PUS7: variants seen among roughly 807,000 people sequenced by gnomAD.
PUS7 encodes the protein pseudouridylate synthase 7 homolog.
In PUS7, 48 loss-of-function variants were observed where a neutral mutation model predicts 79.8. The ratio of observed to expected loss-of-function variants is 0.60; its 90% CI spans 0.48 to 0.76. The LOEUF is 0.76. PUS7 is among the 30% of genes least tolerant of loss of function. The pLI, the probability that PUS7 is intolerant of heterozygous loss-of-function variation, is 0.00. For missense variants in PUS7, 729 were observed against 797.6 expected (o/e 0.91, Z 1.04); for synonymous variants, 286 against 272.2 (o/e 1.05, Z -0.50).
At chr7:105,520,414 G>C (rs141243759) in intron 1 of PUS7, among the ~76,000 whole-genome samples, 1 of 152,070 alleles carries the variant, frequency 6.6e-6, no homozygotes, top group African/African-American at 2.4e-5. Context: ...AGCCGAGATC[G>C]CGCCACTGCA....
intron 2 of PUS7, among the ~76,000 whole-genome samples, chr7:105,506,841 C>CTT (rs1032119642): frequency 5.9e-5 from 9 of 152,112 alleles, no homozygotes; most frequent in African/African-American, 1.9e-4. Context: ...AAAACAAAAG[C>CTT]TTATTAACAT....
intron 1 of PUS7, among the ~76,000 whole-genome samples, chr7:105,517,343 T>G (rs951389488): frequency 6.6e-5 from 10 of 152,086 alleles, no homozygotes; most frequent in African/African-American, 9.7e-5. Flanking sequence ...GTATTTTTAG[T>G]AGAGACGGGT....
At chr7:105,507,405 C>T (rs1358768545) in intron 2 of PUS7, among the ~76,000 whole-genome samples, 1 of 152,066 alleles carries the variant, frequency 6.6e-6, no homozygotes, top group South Asian at 2.1e-4. Flanking sequence ...TACTAAGTAG[C>T]GAACTTCACA....
rs564982057 is a variant in PUS7, at chr7:105,514,561, G to A, written c.-32-6017C>T. Among the ~76,000 whole-genome samples, 12 of 151,718 alleles carry A rather than the reference G, an allele frequency of 7.9e-5. No individual in the cohort carries two copies. In the South Asian group the frequency reaches 1.7e-3, roughly 21 times the overall value. On this transcript the variant is annotated intron_variant, in intron 1 of 15. Coordinates refer to ENST00000469408, the MANE Select transcript of PUS7 (RefSeq NM_019042.5). ...CGAGCTTGCAGTGAGCCGAGATCGCGCCACTGTACTCCAGCCTGGGTGACA... is the reference window on the plus strand; with the variant it reads ...CGAGCTTGCAGTGAGCCGAGATCGCACCACTGTACTCCAGCCTGGGTGACA...
chr7:105,458,413 A>C (rs1823276316), intron 15 of PUS7, among the ~76,000 whole-genome samples: 1 of 150,604 alleles, frequency 6.6e-6, no homozygotes, highest in Non-Finnish European at 1.5e-5. Flanking sequence ...GGTGCCCACC[A>C]CCACGCCCGC....
rs1825292628 is a variant in PUS7 at position 105,502,446 on chromosome 7, T to A, written c.704A>T (p.His235Leu). ...TGCCAAAGCCTTTTTCCCAGCTGCG[T>A]GGTAGGCTACAATGTATTTCTTCCC... ...REGKKYIVAY[H>L]AAGKKALANP... Residue 235 changes from histidine to leucine, a missense_variant, in exon 5 of 16, where the codon CAC (histidine) becomes CTC (leucine). Coordinates refer to ENST00000469408, the MANE Select transcript of PUS7 (RefSeq NM_019042.5). The A allele has an allele frequency of 2.5e-6, 4 of 1,614,180 alleles. No homozygotes were observed. Among genetic ancestry groups the A allele is most frequent in the Middle Eastern group, 1.6e-4 (1 of 6,062 alleles).
intron 1 of PUS7, among the ~76,000 whole-genome samples, chr7:105,521,283 A>G (rs1031232600): frequency 3.9e-5 from 6 of 152,186 alleles, no homozygotes; most frequent in Admixed American, 2.6e-4. Context: ...GGAAAAAAAA[A>G]GTAGTCTGAC....
At chr7:105,513,770 G>A (rs867179714) in intron 1 of PUS7, among the ~76,000 whole-genome samples, 18 of 146,140 alleles carry the variant, frequency 1.2e-4, no homozygotes, top group Non-Finnish European at 2.3e-4. Context: ...CCCAGGAGGC[G>A]GAGCTTGCGG....
chr7:105,508,850 C>A (rs1164382471), intron 1 of PUS7, among the ~76,000 whole-genome samples: 2 of 86,948 alleles, frequency 2.3e-5, no homozygotes, highest in Admixed American at 1.8e-4. Context: ...CCAGCCTGGG[C>A]GACAGAGTGA....
In PUS7 at chr7:105,459,236, G is replaced by T; in HGVS notation, c.1781C>A (p.Pro594His). ...VSWEVVAYDD[P>H]KIPLFNTDVD... ...ATCTGTGTTGAAAAGTGGAATTTTG[G>T]GATCATCATATGCAACGACTTCCCT... Residue 594 changes from proline (P) to histidine (H), a missense_variant, in exon 15 of 16, where the codon CCC becomes CAC. Coordinates refer to ENST00000469408, the MANE Select transcript of PUS7 (RefSeq NM_019042.5). 5 of 1,610,152 alleles carry T rather than the reference G, an allele frequency of 3.1e-6. No homozygotes were observed. The highest frequency in any genetic ancestry group is 4.2e-6 in the Non-Finnish European group (5 of 1,177,718).
chr7:105,462,537 A>G, intron 14 of PUS7, 84 bp downstream of exon 14: 3 of 1,409,244 alleles, frequency 2.1e-6, no homozygotes, highest in East Asian at 4.8e-5. Context: ...ATTCTTGTGC[A>G]GTACATGACT....
rs1823841641 is a variant in PUS7 at position 105,470,775 on chromosome 7, T to C, written c.1311A>G (p.Lys437=). 3 of 1,612,760 alleles carry C rather than the reference T, an allele frequency of 1.9e-6. No homozygotes were observed. The Admixed American group carries it at 5.0e-5, about 27-fold the overall frequency. The part of the protein sequence containing the change: ...KTKDPTAALR[K]LPVKRCVEGQ... ...CTTCCACACACCTTTTGACAGGTAG[T>C]TTTCTGAGGGCAGCAGTTGGGTCTT... The change falls in exon 11 of 16, where the codon AAA becomes AAG. Residue 437 remains lysine, a synonymous_variant. Transcript: ENST00000469408.
intron 7 of PUS7, among the ~76,000 whole-genome samples, chr7:105,489,394 C>T (rs1824694927): frequency 6.6e-6 from 1 of 152,022 alleles, no homozygotes; most frequent in Admixed American, 6.6e-5. Flanking sequence ...TGGGGAGTCC[C>T]TGGTCCATTA....
chr7:105,471,299 T>C (rs1352612765), intron 10 of PUS7, among the ~76,000 whole-genome samples: 2 of 152,208 alleles, frequency 1.3e-5, no homozygotes, highest in African/African-American at 4.8e-5. Context: ...TTAGAGATAC[T>C]CTTTGGAAAG....
chr7:105,490,324 A>T (rs114973145), intron 7 of PUS7, among the ~76,000 whole-genome samples: 132 of 152,144 alleles, frequency 8.7e-4, no homozygotes, highest in African/African-American at 3.1e-3. Flanking sequence ...CCTTGCCCCT[A>T]TGTTATTTCT....
chr7:105,466,110 A>C (rs6969452), intron 12 of PUS7, among the ~76,000 whole-genome samples: 133,359 of 151,490 alleles, frequency 0.88, 59,919 homozygotes, highest in South Asian at 0.97. Context: ...GTGAGATGTG[A>C]CTGCACTACT....
intron 15 of PUS7, among the ~76,000 whole-genome samples, chr7:105,458,363 C>T (rs769515351): frequency 3.7e-4 from 56 of 151,702 alleles, no homozygotes; most frequent in Non-Finnish European, 4.0e-4. Flanking sequence ...CGGGTTGAAG[C>T]GATTCTCCTG....
At position 105,501,969 on chromosome 7, in the gene PUS7, AATATAT is replaced by A. The variant is rs4006346; in HGVS notation, c.730+445_730+450del. 3.9e-4 allele frequency among the ~76,000 whole-genome samples: 29 copies of A among 73,706 alleles called. 2 individuals are homozygous for A. Among genetic ancestry groups the A allele is most frequent in the East Asian group, 1.2e-3 (2 of 1,642 alleles). The allele number at this position is 73,706 out of a possible 152,430, so 48.4% of individuals were successfully genotyped here. A position where few individuals can be genotyped will look rare whatever the true frequency, so the allele number is the denominator to read the frequency against. On this transcript the variant is annotated intron_variant, in intron 5 of 15. Coordinates refer to ENST00000469408, the MANE Select transcript of PUS7 (RefSeq NM_019042.5). ...GACTCCGTCTCAAAAAAAAAAAAAA[AATATAT>A]ATATATATATATATATAGGGGCCTT... is the stretch of plus-strand genomic sequence containing the variant.
At chr7:105,490,168 G>A (rs1205211786) in intron 7 of PUS7, among the ~76,000 whole-genome samples, 4 of 151,266 alleles carry the variant, frequency 2.6e-5, no homozygotes, top group Non-Finnish European at 5.9e-5. Context: ...TTAAGTAGAG[G>A]TAGCAAACAT....
Sources: gnomAD v4.1 joint callset for allele counts (sites outside exome capture counted in the v4.1 genomes callset) on GRCh38, gnomAD v4.1.1 for gene constraint, MANE v1.5 for transcripts, NCBI Gene and HGNC (gene_info 2026-07-23, HGNC 2026-07-21) for gene names.